The following ATP9A variants were observed in gnomAD, a reference collection of about 807,000 sequenced individuals.
ATP9A encodes probable phospholipid-transporting ATPase IIA.
Under a neutral mutation model 144.1 loss-of-function variants are expected in ATP9A, and 52 were observed. The observed-to-expected ratio is 0.36, with a 90% CI of 0.29 to 0.45. The LOEUF is 0.45. Among genes scored for constraint, ATP9A ranks in the 20% least tolerant of loss-of-function variants. ATP9A has a pLI of 1.00. For missense variants in ATP9A, 947 were observed against 1,392.7 expected (o/e 0.68, Z 5.09); for synonymous variants, 582 against 557.4 (o/e 1.04, Z -0.62).
At chr20:51,620,327 C>T (rs953248591) in intron 19 of ATP9A, among the ~76,000 whole-genome samples, 4 of 149,710 alleles carry the variant, frequency 2.7e-5, no homozygotes, top group African/African-American at 1.0e-4. Context: ...AATTCTAGAA[C>T]AGACAGTCAA....
Position 51,600,484 on chromosome 20 carries a change from T to C in ATP9A, c.*727A>G, listed in dbSNP as rs2077137522. The C allele has an allele frequency of 6.6e-6, 1 of 152,138 alleles. No individual in the cohort carries two copies. The highest frequency in any genetic ancestry group is 2.4e-5 in the African/African-American group (1 of 41,438). The allele number at this position is 152,138 out of a possible 1,614,324, so 9.4% of individuals were successfully genotyped here. On this transcript the variant is annotated 3_prime_UTR_variant, in exon 28 of 28. Coordinates refer to ENST00000338821, the MANE Select transcript of ATP9A (RefSeq NM_006045.3). ...GCGGGATCACACCTCTGAAATTCTT[T>C]TACGAGGTGGCAGGTGAAGTTAACT...
chr20:51,683,490 G>C (rs2077509393), intron 9 of ATP9A, among the ~76,000 whole-genome samples: 1 of 151,980 alleles, frequency 6.6e-6, no homozygotes, highest in Admixed American at 6.6e-5. Flanking sequence ...CACCGTGTTA[G>C]CCAGGATGGT....
chr20:51,644,296 G>C (rs1423794421), intron 14 of ATP9A, among the ~76,000 whole-genome samples: 2 of 113,698 alleles, frequency 1.8e-5, no homozygotes, highest in Non-Finnish European at 3.4e-5. Context: ...TTTTTGAGAC[G>C]GAGTCTCACT....
At chr20:51,710,386 T>C (rs978365802) in intron 4 of ATP9A, among the ~76,000 whole-genome samples, 1 of 152,212 alleles carries the variant, frequency 6.6e-6, no homozygotes, top group African/African-American at 2.4e-5. Context: ...CATTTTGCTT[T>C]GGAACTTACT....
chr20:51,690,870 A>T (rs1408032816), intron 7 of ATP9A, 51 bp from the exon 8 acceptor site: 1 of 1,417,962 alleles, frequency 7.1e-7, no homozygotes, highest in Admixed American at 1.7e-5. Context: ...ACAATGCAAG[A>T]CTTCAGGAGG....
chr20:51,644,277 T>TTC (rs2077332685), intron 14 of ATP9A, among the ~76,000 whole-genome samples: 1 of 143,638 alleles, frequency 7.0e-6, no homozygotes, highest in Non-Finnish European at 1.5e-5. Flanking sequence ...CTTTTTTTTT[T>TTC]TTTTTTTTTT....
chr20:51,740,333 C>T (rs962491089), intron 1 of ATP9A, among the ~76,000 whole-genome samples: 2 of 151,280 alleles, frequency 1.3e-5, no homozygotes, highest in African/African-American at 4.9e-5. Context: ...GCTGGGGTTA[C>T]AGGTATGAGC....
At chr20:51,706,345 T>C (rs1228205940) in intron 4 of ATP9A, among the ~76,000 whole-genome samples, 1 of 152,246 alleles carries the variant, frequency 6.6e-6, no homozygotes, top group East Asian at 1.9e-4. Context: ...CAAGACAGGA[T>C]GCTTTTCCTC....
intron 16 of ATP9A, among the ~76,000 whole-genome samples, chr20:51,628,153 C>G (rs897790938): frequency 6.6e-6 from 1 of 152,206 alleles, no homozygotes; most frequent in Non-Finnish European, 1.5e-5. Flanking sequence ...AAATCACAAC[C>G]TGTTTGTTCA....
intron 13 of ATP9A, among the ~76,000 whole-genome samples, chr20:51,660,368 C>A (rs1568807900): frequency 6.6e-6 from 1 of 152,262 alleles, no homozygotes; most frequent in East Asian, 1.9e-4. Flanking sequence ...AACACAGAGC[C>A]ATGGGATTTT....
At chr20:51,652,780 C>T (rs1015492668) in intron 14 of ATP9A, among the ~76,000 whole-genome samples, 1 of 152,054 alleles carries the variant, frequency 6.6e-6, no homozygotes, top group African/African-American at 2.4e-5. Flanking sequence ...CATAAAATAA[C>T]TGTGCAATAC....
chr20:51,608,827 C>T lies in ATP9A; in HGVS notation c.2637-201G>A, dbSNP rs568899427. ...TGTCTGCCCTGAAGAGCTTTCATCC[C>T]GGTCAGCGAGTCAATAAACAAATAA... On this transcript the variant is annotated intron_variant, in intron 24 of 27. Coordinates refer to ENST00000338821, the MANE Select transcript of ATP9A (RefSeq NM_006045.3). 5.3e-5 allele frequency among the ~76,000 whole-genome samples: 8 copies of T among 152,126 alleles called. No homozygotes were observed. The East Asian group carries it at 1.3e-3, about 26-fold the overall frequency.
chr20:51,642,805 A>G (rs1490359705), intron 14 of ATP9A, among the ~76,000 whole-genome samples: 1 of 146,836 alleles, frequency 6.8e-6, no homozygotes, highest in Non-Finnish European at 1.5e-5. Context: ...TTACCAAGAG[A>G]GCTCTGCAGA....
intron 18 of ATP9A, among the ~76,000 whole-genome samples, 188 bp downstream of exon 18, chr20:51,625,004 C>CA (rs71192538): frequency 0.21 from 20,972 of 100,636 alleles, 2,029 homozygotes; most frequent in African/African-American, 0.24. Context: ...GACCCCGTCT[C>CA]AAAAAAAAAA....
intron 1 of ATP9A, among the ~76,000 whole-genome samples, 157 bp downstream of exon 1, chr20:51,768,145 G>C (rs1329063659): frequency 6.6e-6 from 1 of 151,818 alleles, no homozygotes; most frequent in Non-Finnish European, 1.5e-5. Context: ...CTGAAGCGCA[G>C]GGACCCCCTC....
chr20:51,599,924 C>G lies in ATP9A; in HGVS notation c.*1287G>C, dbSNP rs1020134663. ...AAGCAACTTGAAAACCCAAGAATGC[C>G]TTGCTCTACCACGTCCCGCGACTGC... On this transcript the variant is annotated 3_prime_UTR_variant, in exon 28 of 28. Transcript: ENST00000338821. 5 of 152,238 alleles carry G rather than the reference C, an allele frequency of 3.3e-5. No individual in the cohort carries two copies. The highest frequency in any genetic ancestry group is 1.2e-4 in the African/African-American group (5 of 41,454). 9.4% of individuals were successfully genotyped at this position (152,238 alleles called of 1,614,324 possible).
chr20:51,737,842 G>C (rs896234911), intron 1 of ATP9A, among the ~76,000 whole-genome samples: 4 of 152,060 alleles, frequency 2.6e-5, no homozygotes, highest in Non-Finnish European at 4.4e-5. Flanking sequence ...CCACGGGACA[G>C]GCAGGTAAAA....
intron 13 of ATP9A, among the ~76,000 whole-genome samples, chr20:51,663,304 G>A (rs6067884): frequency 0.74 from 111,695 of 151,818 alleles, 41,951 homozygotes; most frequent in Middle Eastern, 0.83. Flanking sequence ...TTGGCGTTTT[G>A]TCCACCCAGG....
In ATP9A at chr20:51,651,333, C is replaced by CATTATATATTAT. The variant is rs1568803576; in HGVS notation, c.1506+5604_1506+5605insATAATATATAAT. ...TAATATATTATATAATATATATTTA[C>CATTATATATTAT]ATAATATATTATATAATATATATTT... On this transcript the variant is annotated intron_variant, in intron 14 of 27. Coordinates refer to ENST00000338821, the MANE Select transcript of ATP9A (RefSeq NM_006045.3). Among the ~76,000 whole-genome samples, 77 of 133,974 alleles carry CATTATATATTAT rather than the reference C, an allele frequency of 5.7e-4. 10 individuals are homozygous for CATTATATATTAT. In the East Asian group the frequency reaches 0.015, roughly 27 times the overall value. 87.9% of individuals were successfully genotyped at this position (133,974 alleles called of 152,430 possible). A position where few individuals can be genotyped will look rare whatever the true frequency, so the allele number is the denominator to read the frequency against.
Sources: gnomAD v4.1 joint callset for allele counts (sites outside exome capture counted in the v4.1 genomes callset) on GRCh38, gnomAD v4.1.1 for gene constraint, MANE v1.5 for transcripts, NCBI Gene and HGNC (gene_info 2026-07-23, HGNC 2026-07-21) for gene names.